MTA3: variants seen among roughly 807,000 people sequenced by gnomAD.
MTA3 encodes the protein metastasis associated 1 family member 3, also known as metastasis-associated protein MTA3.
Under a neutral mutation model 83.5 loss-of-function variants are expected in MTA3, and 34 were observed. The observed-to-expected ratio is 0.41, with a 90% confidence interval of 0.31 to 0.54. MTA3 has a LOEUF of 0.54. Among genes scored for constraint, MTA3 ranks in the 20% least tolerant of loss-of-function variants. The probability of loss-of-function intolerance (pLI) is 0.33; values close to 1 mark genes in which losing one functional copy is unlikely to be tolerated. For missense variants in MTA3, 761 were observed against 726.4 expected (o/e 1.05, Z -0.55); for synonymous variants, 303 against 252.7 (o/e 1.20, Z -1.89).
At chr2:42,664,126 G>A (rs571062892) in intron 8 of MTA3, among the ~76,000 whole-genome samples, 2 of 152,098 alleles carry the variant, frequency 1.3e-5, no homozygotes, top group South Asian at 4.1e-4. Flanking sequence ...TTGGATTTAA[G>A]CGTCATTATT....
intron 4 of MTA3, among the ~76,000 whole-genome samples, chr2:42,619,423 G>C (rs1685283065): frequency 6.6e-6 from 1 of 152,160 alleles, no homozygotes; most frequent in South Asian, 2.1e-4. Context: ...GGCCAGGTCA[G>C]TTAGGAAACT....
chr2:42,602,223 T>A (rs1682666235), intron 3 of MTA3, among the ~76,000 whole-genome samples: 1 of 151,990 alleles, frequency 6.6e-6, no homozygotes, highest in African/African-American at 2.4e-5. Flanking sequence ...GCTGTCCACC[T>A]GCCTCGGCCT....
chr2:42,525,406 C>T (rs571387222), intron 2 of MTA3, among the ~76,000 whole-genome samples: 6 of 151,456 alleles, frequency 4.0e-5, no homozygotes, highest in Middle Eastern at 3.4e-3. Context: ...CACCGTGTTG[C>T]CCAGGTTGGT....
intron 4 of MTA3, among the ~76,000 whole-genome samples, chr2:42,615,049 T>C (rs544338375): frequency 4.0e-5 from 6 of 151,312 alleles, no homozygotes; most frequent in South Asian, 2.1e-4. Flanking sequence ...CCGGCACTTC[T>C]GGAGGCCGAG....
chr2:42,592,144 G>T (rs1681083591), intron 3 of MTA3, among the ~76,000 whole-genome samples: 1 of 152,088 alleles, frequency 6.6e-6, no homozygotes, highest in Non-Finnish European at 1.5e-5. Context: ...AACACCTGTA[G>T]TCCCAGCTAA....
chr2:42,599,182 TTA>T (rs1286923051), intron 3 of MTA3, among the ~76,000 whole-genome samples: 1 of 152,222 alleles, frequency 6.6e-6, no homozygotes, highest in Non-Finnish European at 1.5e-5. Flanking sequence ...GTGTCCATGT[TTA>T]TAAGACTTCT....
At chr2:42,637,351 C>T (rs1024934499) in intron 4 of MTA3, among the ~76,000 whole-genome samples, 1 of 152,154 alleles carries the variant, frequency 6.6e-6, no homozygotes, top group South Asian at 2.1e-4. Context: ...AAATATCGTA[C>T]ATGACACATG....
Position 42,755,171 on chromosome 2 carries a change from A to G in MTA3, c.*1772A>G. The G allele has an allele frequency of 1.0e-6, 1 of 985,516 alleles. No homozygotes were observed. Among genetic ancestry groups the G allele is most frequent in the Non-Finnish European group, 1.2e-6 (1 of 829,976 alleles). 61.0% of individuals were successfully genotyped at this position (985,516 alleles called of 1,614,324 possible). A position where few individuals can be genotyped will look rare whatever the true frequency, so the allele number is the denominator to read the frequency against. On this transcript the variant is annotated 3_prime_UTR_variant, in exon 17 of 17. Coordinates refer to ENST00000405094, the MANE Select transcript of MTA3 (RefSeq NM_001330442.2). ...ATGTTTCTTCCCTAAAGAAAAAGAC[A>G]CAGGAAAGCTGTCTGTCTGTACCCT...
At chr2:42,594,522 G>A (rs1220988530) in intron 3 of MTA3, among the ~76,000 whole-genome samples, 1 of 150,406 alleles carries the variant, frequency 6.6e-6, no homozygotes, top group Non-Finnish European at 1.5e-5. Flanking sequence ...ACAGGTGGGA[G>A]CCACTGCACC....
chr2:42,597,877 T>G (rs929173812), intron 3 of MTA3, among the ~76,000 whole-genome samples: 5 of 151,686 alleles, frequency 3.3e-5, no homozygotes, highest in Non-Finnish European at 7.4e-5. Flanking sequence ...AGACAGGGTT[T>G]TGCCACGTTG....
chr2:42,741,072 G>A (rs917815382), intron 16 of MTA3, among the ~76,000 whole-genome samples: 1 of 152,262 alleles, frequency 6.6e-6, no homozygotes, highest in African/African-American at 2.4e-5. Context: ...ACTTGCTACA[G>A]CTTCTACATC....
At chr2:42,575,045 G>A (rs1181646189) in intron 2 of MTA3, among the ~76,000 whole-genome samples, 1 of 152,164 alleles carries the variant, frequency 6.6e-6, no homozygotes, top group Non-Finnish European at 1.5e-5. Flanking sequence ...CATCGAAATA[G>A]AAATCTTGAC....
At chr2:42,608,095 T>A (rs998552731) in intron 3 of MTA3, among the ~76,000 whole-genome samples, 2 of 152,234 alleles carry the variant, frequency 1.3e-5, no homozygotes, top group Non-Finnish European at 2.9e-5. Flanking sequence ...ATTTTGGTCC[T>A]TTTTATGGTG....
At chr2:42,546,165 A>G (rs1676750616) in intron 2 of MTA3, among the ~76,000 whole-genome samples, 1 of 152,174 alleles carries the variant, frequency 6.6e-6, no homozygotes, top group Non-Finnish European at 1.5e-5. Flanking sequence ...TAACAGCAAT[A>G]ACAATGGAGG....
At chr2:42,580,524 A>AC (rs1483963988) in intron 3 of MTA3, among the ~76,000 whole-genome samples, 1 of 151,894 alleles carries the variant, frequency 6.6e-6, no homozygotes, top group Non-Finnish European at 1.5e-5. Flanking sequence ...GGTGGGTGCC[A>AC]CCACACCCAG....
chr2:42,676,841 C>G (rs570680158), intron 8 of MTA3, among the ~76,000 whole-genome samples: 13 of 152,172 alleles, frequency 8.5e-5, no homozygotes, highest in Admixed American at 8.5e-4. Context: ...TTAGTTTTTT[C>G]ATTTATTGTA....
rs539137662 is a variant in MTA3 at position 42,609,454 on chromosome 2, G to T, written c.191-4G>T. ...AATAAATTCTTTGAATTTTATTTGTGTAGAAGAAATTGAGGAAGAATCTGA... is the reference window on the plus strand; with the variant it reads ...AATAAATTCTTTGAATTTTATTTGTTTAGAAGAAATTGAGGAAGAATCTGA... On this transcript the variant is annotated splice_region_variant and splice_polypyrimidine_tract_variant and intron_variant, in intron 3 of 16. Coordinates refer to ENST00000405094, the MANE Select transcript of MTA3 (RefSeq NM_001330442.2). 10 of 1,613,004 alleles carry T rather than the reference G, an allele frequency of 6.2e-6. No individual in the cohort carries two copies. Among genetic ancestry groups the T allele is most frequent in the Non-Finnish European group, 8.5e-6 (10 of 1,179,406 alleles).
chr2:42,511,802 A>G (rs4953383), intron 2 of MTA3: 70,837 of 151,930 alleles, frequency 0.47, 17,011 homozygotes, highest in African/African-American at 0.57. Context: ...GCGGATCACA[A>G]CGTCAGGAGA....
At chr2:42,717,554 G>T (rs993673174) in intron 14 of MTA3, among the ~76,000 whole-genome samples, 15 of 152,256 alleles carry the variant, frequency 9.9e-5, no homozygotes, top group African/African-American at 3.6e-4. Context: ...GTCTGAAAAT[G>T]TCTTACAATA....
Sources: allele counts gnomAD v4.1 joint callset (sites outside exome capture counted in the v4.1 genomes callset), GRCh38; gene constraint gnomAD v4.1.1; transcripts MANE v1.5; gene names NCBI Gene and HGNC (gene_info 2026-07-23, HGNC 2026-07-21).